Variants in ZNF385D observed in about 807,000 individuals in gnomAD.
ZNF385D encodes zinc finger protein 659.
Under a neutral mutation model 35.8 loss-of-function variants are expected in ZNF385D, and 15 were observed. The observed-to-expected ratio is 0.42, with a 90% confidence interval of 0.28 to 0.64. The LOEUF is 0.64. Among genes scored for constraint, ZNF385D ranks in the 30% least tolerant of loss-of-function variants. The pLI is 0.23. For missense variants in ZNF385D, 474 were observed against 494.6 expected, an observed-to-expected ratio of 0.96 and a Z score of 0.39; for synonymous variants, 212 against 186.8, an observed-to-expected ratio of 1.13 and a Z score of -1.10.
chr3:21,588,719 A>AGG (rs1467217026), intron 2 of ZNF385D, among the ~76,000 whole-genome samples: 1 of 152,132 alleles, frequency 6.6e-6, no homozygotes, highest in African/African-American at 2.4e-5. Context: ...TACATAGGAG[A>AGG]GGAAGTTATC....
intron 4 of ZNF385D, among the ~76,000 whole-genome samples, chr3:21,482,591 G>A (rs1208233874): frequency 6.6e-6 from 1 of 152,100 alleles, no homozygotes; most frequent in Non-Finnish European, 1.5e-5. Flanking sequence ...CTGAACTTTT[G>A]CCCTTTTTCA....
intron 3 of ZNF385D, among the ~76,000 whole-genome samples, chr3:22,131,121 T>C (rs1703758411): frequency 1.3e-5 from 2 of 152,022 alleles, no homozygotes; most frequent in African/African-American, 4.8e-5. Context: ...ATGTATAAGA[T>C]AATGGAAAAA....
intron 3 of ZNF385D, among the ~76,000 whole-genome samples, chr3:22,156,720 C>T (rs1056731595): frequency 6.6e-6 from 1 of 152,016 alleles, no homozygotes; most frequent in Admixed American, 6.6e-5. Context: ...CCCTTTTTCC[C>T]TTACTGACTT....
intron 2 of ZNF385D, among the ~76,000 whole-genome samples, chr3:21,602,300 T>C (rs2064319089): frequency 6.6e-6 from 1 of 151,936 alleles, no homozygotes; most frequent in Non-Finnish European, 1.5e-5. Context: ...CCAAACCATA[T>C]CAGAACGTGA....
intron 3 of ZNF385D, among the ~76,000 whole-genome samples, chr3:21,822,127 A>C (rs1478059405): frequency 6.6e-6 from 1 of 152,014 alleles, no homozygotes; most frequent in Non-Finnish European, 1.5e-5. Context: ...GTTGGAGTGC[A>C]GTCGTGTGAT....
At chr3:22,157,899 C>G (rs140307601) in intron 3 of ZNF385D, among the ~76,000 whole-genome samples, 58 of 152,254 alleles carry the variant, frequency 3.8e-4, no homozygotes, top group African/African-American at 1.3e-3. Context: ...TGTACCTGCA[C>G]ACAAAGTGCC....
chr3:21,674,765 C>T (rs1431650200), intron 1 of ZNF385D, among the ~76,000 whole-genome samples: 1 of 152,064 alleles, frequency 6.6e-6, no homozygotes, highest in Non-Finnish European at 1.5e-5. Context: ...ACTAGACTTA[C>T]TTGACTTTGT....
At chr3:21,759,031 T>C (rs2070483039) in intron 3 of ZNF385D, among the ~76,000 whole-genome samples, 1 of 130,430 alleles carries the variant, frequency 7.7e-6, no homozygotes, top group Non-Finnish European at 1.6e-5. Context: ...TTGTAACAAG[T>C]CCTGAACTCG....
chr3:22,048,737 T>TCAA (rs1699163610), intron 3 of ZNF385D, among the ~76,000 whole-genome samples: 8 of 152,342 alleles, frequency 5.3e-5, no homozygotes, highest in African/African-American at 1.9e-4. Context: ...GGGTCTTTTG[T>TCAA]GATTCCAAGT....
At chr3:22,032,825 T>C (rs919952326) in intron 3 of ZNF385D, among the ~76,000 whole-genome samples, 5 of 152,278 alleles carry the variant, frequency 3.3e-5, no homozygotes, top group South Asian at 4.1e-4. Flanking sequence ...TTAGATGTAT[T>C]AATTTTAACC....
intron 2 of ZNF385D, among the ~76,000 whole-genome samples, chr3:22,247,807 G>C (rs918332039): frequency 2.0e-5 from 3 of 151,932 alleles, no homozygotes; most frequent in African/African-American, 7.3e-5. Context: ...GTTTCACCAT[G>C]TTGGCCAGGA....
At chr3:21,516,956 T>C (rs925595304) in intron 3 of ZNF385D, among the ~76,000 whole-genome samples, 3 of 152,090 alleles carry the variant, frequency 2.0e-5, no homozygotes, top group Non-Finnish European at 4.4e-5. Context: ...GAAATGTTTT[T>C]CCCTTTTTTT....
intron 2 of ZNF385D, among the ~76,000 whole-genome samples, chr3:22,208,177 G>C (rs1392256215): frequency 6.6e-6 from 1 of 151,876 alleles, no homozygotes; most frequent in Admixed American, 6.6e-5. Flanking sequence ...GCCAATATTT[G>C]AAAACAATCT....
intron 2 of ZNF385D, among the ~76,000 whole-genome samples, chr3:22,262,991 A>C (rs1015773400): frequency 8.6e-5 from 13 of 151,982 alleles, no homozygotes; most frequent in African/African-American, 2.4e-5. Context: ...AGACACAGTC[A>C]GACCTATCTT....
At chr3:22,069,088 G>T (rs1489490851) in intron 3 of ZNF385D, among the ~76,000 whole-genome samples, 1 of 152,170 alleles carries the variant, frequency 6.6e-6, no homozygotes, top group African/African-American at 2.4e-5. Context: ...AGGATATAAA[G>T]ATCTGGGCTA....
At chr3:21,915,069 G>A (rs57925998) in intron 3 of ZNF385D, among the ~76,000 whole-genome samples, 12,820 of 148,882 alleles carry the variant, frequency 0.086, 1,682 homozygotes, top group African/African-American at 0.28. Context: ...AGTAGAAATA[G>A]AAAAAAAAAA....
intron 3 of ZNF385D, among the ~76,000 whole-genome samples, chr3:21,829,223 T>C (rs1559667041): frequency 6.6e-5 from 10 of 152,142 alleles, no homozygotes; most frequent in Admixed American, 5.9e-4. Context: ...TATAGAACAT[T>C]TTTAAAGGGC....
chr3:22,046,342 G>C (rs931012217), intron 3 of ZNF385D, among the ~76,000 whole-genome samples: 1 of 151,978 alleles, frequency 6.6e-6, no homozygotes, highest in Non-Finnish European at 1.5e-5. Flanking sequence ...TCACTGTTCC[G>C]TAATACTCAA....
intron 3 of ZNF385D, among the ~76,000 whole-genome samples, chr3:22,111,158 TTTTTTTTTTTTTTTTTTTG>T (rs1403049881): frequency 2.0e-4 from 14 of 70,366 alleles, no homozygotes; most frequent in Non-Finnish European, 3.3e-4. Flanking sequence ...TTGGATTTTT[TTTTTTTTTTTTTTTTTTTG>T]TTTTTTTTGT....
Sources: allele counts gnomAD v4.1 joint callset (sites outside exome capture counted in the v4.1 genomes callset), GRCh38; gene constraint gnomAD v4.1.1; transcripts MANE v1.5; gene names NCBI Gene and HGNC (gene_info 2026-07-23, HGNC 2026-07-21).